Variants in ASPM observed in about 807,000 individuals in gnomAD.
The protein encoded by ASPM is assembly factor for spindle microtubules.
In ASPM, 256 loss-of-function variants were observed where a neutral mutation model predicts 366.4. That is an observed-to-expected ratio of 0.70 (90% CI 0.63 to 0.77). ASPM has a LOEUF of 0.77. Among genes scored for constraint, ASPM ranks in the 30% least tolerant of loss-of-function variants. ASPM has a pLI of 0.00. For missense variants in ASPM, 4,146 were observed against 4,090.4 expected (o/e 1.01, Z -0.37); for synonymous variants, 1,414 against 1,342.9 (o/e 1.05, Z -1.16).
chr1:197,102,937 C>G lies in ASPM; in HGVS notation c.6314G>C (p.Arg2105Thr). Reference protein sequence around the residue: ...KTAIKIQSVYRGIRVRRHIQH... With the variant: ...KTAIKIQSVYTGIRVRRHIQH... ...AATATGTCTTCTAACTCTAATACCT[C>G]TATAAACAGATTGGATTTTAATTGC... The change falls in exon 18 of 28, where the codon AGA (arginine) becomes ACA (threonine). Residue 2105 changes from arginine (R) to threonine (T), a missense_variant. This residue lies in a region of ASPM where 3,624 missense variants were observed against 3,591.7 expected (regional missense o/e 1.01). Transcript: ENST00000367409. 1 of 1,612,468 alleles carries G rather than the reference C, an allele frequency of 6.2e-7. No individual in the cohort carries two copies. The highest frequency in any genetic ancestry group is 8.5e-7 in the Non-Finnish European group (1 of 1,179,042).
At chr1:197,108,251 T>C (rs1184035655) in intron 17 of ASPM, among the ~76,000 whole-genome samples, 1 of 152,066 alleles carries the variant, frequency 6.6e-6, no homozygotes, top group South Asian at 2.1e-4. Context: ...TTGTAGTATG[T>C]GGCTAAACCT....
At chr1:197,125,944 C>T (rs1658078392) in intron 10 of ASPM, among the ~76,000 whole-genome samples, 1 of 152,110 alleles carries the variant, frequency 6.6e-6, no homozygotes, top group Admixed American at 6.5e-5. Flanking sequence ...CAACCCATCA[C>T]CCATGGCATT....
At position 197,104,980 on chromosome 1, in the gene ASPM, G is replaced by A. The variant is rs1455547690; in HGVS notation, c.4271C>T (p.Thr1424Ile). The change falls in exon 18 of 28, where the codon ACT (threonine) becomes ATT (isoleucine). Residue 1424 changes from threonine (T) to isoleucine (I), a missense_variant. Transcript: ENST00000367409. ...TCTGAACATAGATTGGATTATAAGA[G>A]TTGATGATTTTAGCATTTCATATCT... ...QQRYEMLKSSTLIIQSMFRKW... is the reference protein window; with the variant it reads ...QQRYEMLKSSILIIQSMFRKW... 5 of 1,611,582 alleles carry A rather than the reference G, an allele frequency of 3.1e-6. No individual in the cohort carries two copies. Among genetic ancestry groups the A allele is most frequent in the Non-Finnish European group, 4.2e-6 (5 of 1,178,850 alleles).
At chr1:197,092,976 C>A in intron 21 of ASPM, 76 bp downstream of exon 21, 1 of 1,286,856 alleles carries the variant, frequency 7.8e-7, no homozygotes, top group Non-Finnish European at 1.1e-6. Flanking sequence ...CTCTAAAATC[C>A]AAAGTTTCTT....
intron 17 of ASPM, among the ~76,000 whole-genome samples, chr1:197,109,506 G>C (rs1272749522): frequency 6.6e-6 from 1 of 151,992 alleles, no homozygotes; most frequent in Non-Finnish European, 1.5e-5. Flanking sequence ...CTGATAAAGG[G>C]CATCTACAAG....
At chr1:197,140,503 A>G (rs1460441478) in intron 3 of ASPM, among the ~76,000 whole-genome samples, 1 of 152,218 alleles carries the variant, frequency 6.6e-6, no homozygotes, top group Non-Finnish European at 1.5e-5. Context: ...TGAGAAGTGT[A>G]CTATTATTAC....
chr1:197,130,172 G>A, intron 7 of ASPM, 116 bp from the exon 8 acceptor site: 3 of 1,076,992 alleles, frequency 2.8e-6, no homozygotes, highest in Non-Finnish European at 4.2e-6. Context: ...CTTTCTAAAT[G>A]ACATGGTTAT....
chr1:197,143,182 A>G lies in ASPM; in HGVS notation c.1070T>C (p.Ile357Thr). 1 of 1,613,500 alleles carries G rather than the reference A, an allele frequency of 6.2e-7. No individual in the cohort carries two copies. The highest frequency in any genetic ancestry group is 1.1e-5 in the South Asian group (1 of 91,030). Reference protein sequence around the residue: ...NSQPVHLESTIAHEIYQKILS... With the variant: ...NSQPVHLESTTAHEIYQKILS... ...AATTTTCTGATAAATTTCATGTGCAATTGTTGATTCCAAATGCACAGGCTG... is the reference window on the plus strand; with the variant it reads ...AATTTTCTGATAAATTTCATGTGCAGTTGTTGATTCCAAATGCACAGGCTG... Residue 357 changes from isoleucine to threonine, a missense_variant, in exon 3 of 28, where the codon ATT becomes ACT. Around this residue, in one of 3 missense-constraint regions of ASPM, gnomAD observed 512 missense variants for 471.7 expected, o/e 1.09. Transcript: ENST00000367409.
Position 197,102,042 on chromosome 1 carries a change from A to G in ASPM, c.7209T>C (p.His2403=). 6.2e-7 allele frequency: 1 copy of G among 1,612,982 alleles called. No individual in the cohort carries two copies. The highest frequency in any genetic ancestry group is 1.7e-5 in the Admixed American group (1 of 59,842). Residue 2403 remains histidine (H), a synonymous_variant, in exon 18 of 28, where the codon CAT becomes CAC. Coordinates refer to ENST00000367409, the MANE Select transcript of ASPM (RefSeq NM_018136.5). The part of the protein sequence containing the change: ...AAFRGMKTRR[H]LKSMHSSATL... ...TTGCAGAGGAATGCATACTCTTCAA[A>G]TGTCTTCTAGTTTTCATACCCCTGA...
At chr1:197,137,540 G>C (rs1263094662) in intron 4 of ASPM, among the ~76,000 whole-genome samples, 4 of 152,284 alleles carry the variant, frequency 2.6e-5, no homozygotes, top group Admixed American at 1.3e-4. Context: ...GGAGTGCAGT[G>C]GCACAATCTC....
intron 7 of ASPM, 80 bp from the exon 8 acceptor site, chr1:197,130,136 T>C (rs1658216333): frequency 4.9e-6 from 7 of 1,440,298 alleles, no homozygotes; most frequent in Non-Finnish European, 6.8e-6. Flanking sequence ...TGGCAGACCA[T>C]AACCTAAGGA....
Position 197,086,808 on chromosome 1 carries a change from A to C in ASPM, c.10326T>G (p.Val3442=), listed in dbSNP as rs1656602367. 4.4e-6 allele frequency: 7 copies of C among 1,606,674 alleles called. No homozygotes were observed. The highest frequency in any genetic ancestry group is 6.0e-6 in the Non-Finnish European group (7 of 1,173,764). The change falls in exon 27 of 28, where the codon GTT becomes GTG. Residue 3442 remains valine (V), a synonymous_variant. Coordinates refer to ENST00000367409, the MANE Select transcript of ASPM (RefSeq NM_018136.5). The stretch of plus-strand genomic sequence containing the variant: ...GACTATATTTAATTGCTTACCTTGA[A>C]ACTATTCTGGTCCTTACAGGTGTTT... ...IPETPVRTRI[V]SRLKPDWVLR... is the part of the protein sequence containing the mutation.
intron 5 of ASPM, 49 bp from the exon 6 acceptor site, chr1:197,133,644 C>A (rs759147217): frequency 1.3e-6 from 2 of 1,584,740 alleles, no homozygotes; most frequent in Admixed American, 3.4e-5. Context: ...AATATCTCTA[C>A]ATATTCTTAA....
At position 197,093,252 on chromosome 1, in the gene ASPM, C is replaced by T. The variant is rs1429482664; in HGVS notation, c.9094G>A (p.Ala3032Thr). Reference protein sequence around the residue: ...EHFLMIKRHRAACLIQAHYRG... With the variant: ...EHFLMIKRHRTACLIQAHYRG... ...TAATGTGCTTGGATCAAACAAGCAG[C>T]TCGATGTCTCTATAAGGAAAAATTT... Residue 3032 changes from alanine to threonine, a missense_variant, in exon 21 of 28, where the codon GCT (alanine) becomes ACT (threonine). Physicochemically the swap from Ala to Thr is moderately conservative, Grantham distance 58 (BLOSUM62 0). Transcript: ENST00000367409. 6.2e-7 allele frequency: 1 copy of T among 1,611,498 alleles called. No individual in the cohort carries two copies. Among genetic ancestry groups the T allele is most frequent in the Non-Finnish European group, 8.5e-7 (1 of 1,178,550 alleles).
At chr1:197,139,309 GT>G in intron 4 of ASPM, 5 of 814,022 alleles carry the variant, frequency 6.1e-6, no homozygotes, top group South Asian at 1.4e-5. Context: ...AACAGCCCAT[GT>G]TTTTGGCCGG....
In ASPM at chr1:197,130,022, T is replaced by G. The variant is rs1167224449; in HGVS notation, c.2522A>C (p.Asn841Thr). The G allele has an allele frequency of 6.2e-7, 1 of 1,613,980 alleles. No individual in the cohort carries two copies. Among genetic ancestry groups the G allele is most frequent in the Admixed American group, 1.7e-5 (1 of 60,026 alleles). Residue 841 changes from asparagine to threonine, a missense_variant, in exon 8 of 28, where the codon AAC (asparagine) becomes ACC (threonine). Physicochemically the swap from Asn to Thr is moderately conservative, Grantham distance 65 (BLOSUM62 0). Transcript: ENST00000367409. ...CATAGCCAACCCTGTGACATCACTGTTATCTTCCAAAGATATGAGTTCTCC... is the reference window on the plus strand; with the variant it reads ...CATAGCCAACCCTGTGACATCACTGGTATCTTCCAAAGATATGAGTTCTCC... ...TYGELISLED[N>T]SDVTGLAMFI...
At chr1:197,137,306 C>T (rs562306265) in intron 4 of ASPM, among the ~76,000 whole-genome samples, 1 of 152,286 alleles carries the variant, frequency 6.6e-6, no homozygotes, top group African/African-American at 2.4e-5. Flanking sequence ...ATAATTGCCG[C>T]TATGTGTCAG....
At chr1:197,091,750 T>C (rs1335924751) in intron 22 of ASPM, among the ~76,000 whole-genome samples, 157 bp downstream of exon 22, 3 of 152,032 alleles carry the variant, frequency 2.0e-5, no homozygotes, top group African/African-American at 7.2e-5. Context: ...AAAACATCAA[T>C]CTATTTCTAA....
rs1403393390 is a variant in ASPM at position 197,138,998 on chromosome 1, G to A, written c.2026+769C>T. The A allele has an allele frequency of 1.7e-5, 12 of 722,890 alleles. No individual in the cohort carries two copies. In the Admixed American group the frequency reaches 2.3e-4, roughly 14 times the overall value. 44.8% of individuals were successfully genotyped at this position (722,890 alleles called of 1,614,324 possible). ...TTCAACTCTTCTTCTCTCTGACATTGATCATAGCACTCTTGTCTTTTGGCT... is the reference window on the plus strand; with the variant it reads ...TTCAACTCTTCTTCTCTCTGACATTAATCATAGCACTCTTGTCTTTTGGCT... On this transcript the variant is annotated intron_variant, in intron 4 of 27. Coordinates refer to ENST00000367409, the MANE Select transcript of ASPM (RefSeq NM_018136.5).
Sources: gnomAD v4.1 joint callset for allele counts (sites outside exome capture counted in the v4.1 genomes callset) on GRCh38, gnomAD v4.1.1 for gene constraint, gnomAD v4.1.1 regional missense constraint, MANE v1.5 for transcripts, NCBI Gene and HGNC (gene_info 2026-07-23, HGNC 2026-07-21) for gene names.